Variants in ARAP2 observed in about 807,000 individuals in gnomAD.
ARAP2 encodes ArfGAP with RhoGAP domain, ankyrin repeat and PH domain 2.
ARAP2 carries 148 observed loss-of-function variants against 194.5 expected under a neutral mutation model. That is an observed-to-expected ratio of 0.76 (90% CI 0.67 to 0.87). The LOEUF (loss-of-function observed/expected upper bound fraction) is 0.87. Among genes scored for constraint, ARAP2 ranks in the 40% least tolerant of loss-of-function variants. ARAP2 has a pLI of 0.00. For missense variants in ARAP2, 2,128 were observed against 1,989.7 expected, an observed-to-expected ratio of 1.07 and a Z score of -1.32; for synonymous variants, 695 against 683.5, an observed-to-expected ratio of 1.02 and a Z score of -0.26.
At chr4:36,127,075 A>C (rs955271200) in intron 21 of ARAP2, among the ~76,000 whole-genome samples, 1 of 152,010 alleles carries the variant, frequency 6.6e-6, no homozygotes, top group African/African-American at 2.4e-5. Flanking sequence ...GCCTCAAGCT[A>C]TCCTCCTGCC....
chr4:36,097,066 A>T (rs1715515911), intron 27 of ARAP2, among the ~76,000 whole-genome samples: 1 of 152,124 alleles, frequency 6.6e-6, no homozygotes, highest in Admixed American at 6.6e-5. Flanking sequence ...CATTTTTACC[A>T]AGAAATAATC....
chr4:36,028,161 G>T (rs1417004180), intron 5 of ARAP2, among the ~76,000 whole-genome samples: 1 of 151,998 alleles, frequency 6.6e-6, no homozygotes, highest in Admixed American at 6.6e-5. Flanking sequence ...TGTTCTTAGT[G>T]TTATTATTTT....
chr4:36,131,927 G>C (rs1160933459), intron 20 of ARAP2, among the ~76,000 whole-genome samples: 1 of 151,676 alleles, frequency 6.6e-6, no homozygotes, highest in Non-Finnish European at 1.5e-5. Flanking sequence ...AACTTTTATA[G>C]TAATGCCCAA....
chr4:36,039,478 C>A (rs1396340757), intron 5 of ARAP2, among the ~76,000 whole-genome samples: 1 of 152,154 alleles, frequency 6.6e-6, no homozygotes, highest in Admixed American at 6.6e-5. Flanking sequence ...GTTAACCTAT[C>A]TGGGTCTGTG....
chr4:36,122,668 C>G (rs1327695767), intron 22 of ARAP2, among the ~76,000 whole-genome samples: 1 of 151,428 alleles, frequency 6.6e-6, no homozygotes, highest in Non-Finnish European at 1.5e-5. Flanking sequence ...GGCTTAATAC[C>G]CGGATGAGGA....
chr4:36,068,447 C>T (rs1444017961), intron 32 of ARAP2, among the ~76,000 whole-genome samples, 169 bp from the exon 33 acceptor site: 1 of 152,224 alleles, frequency 6.6e-6, no homozygotes, highest in Non-Finnish European at 1.5e-5. Context: ...ATATACTAAT[C>T]TTAGAGCTAC....
At chr4:36,125,537 A>G (rs1723680497) in intron 21 of ARAP2, among the ~76,000 whole-genome samples, 1 of 151,982 alleles carries the variant, frequency 6.6e-6, no homozygotes, top group African/African-American at 2.4e-5. Context: ...AGTGCAATGG[A>G]AGAAGTCAAG....
intron 2 of ARAP2, among the ~76,000 whole-genome samples, chr4:36,053,914 G>A (rs1050410979): frequency 3.3e-5 from 5 of 152,174 alleles, no homozygotes; most frequent in African/African-American, 4.8e-5. Flanking sequence ...AATACCAGCC[G>A]TGTAGTAGAT....
intron 22 of ARAP2, among the ~76,000 whole-genome samples, chr4:36,122,977 A>G (rs1321991264): frequency 1.3e-5 from 2 of 151,856 alleles, no homozygotes; most frequent in South Asian, 2.1e-4. Flanking sequence ...ACATGATAGC[A>G]ATACATATGT....
chr4:36,234,997 T>C (rs112228871), intron 1 of ARAP2, among the ~76,000 whole-genome samples: 119 of 152,278 alleles, frequency 7.8e-4, no homozygotes, highest in Middle Eastern at 3.4e-3. Flanking sequence ...GGAAGTAACA[T>C]TTAGGAGTAC....
chr4:36,077,523 G>T (rs962520939), intron 31 of ARAP2, among the ~76,000 whole-genome samples: 5 of 151,984 alleles, frequency 3.3e-5, no homozygotes, highest in African/African-American at 1.2e-4. Context: ...ATATACCACA[G>T]ACAACGTAGT....
At chr4:36,127,950 G>A (rs1324243472) in intron 21 of ARAP2, among the ~76,000 whole-genome samples, 1 of 151,984 alleles carries the variant, frequency 6.6e-6, no homozygotes, top group East Asian at 1.9e-4. Context: ...TTAAAAACAC[G>A]TTTTACTAAA....
chr4:36,176,434 A>G (rs1737935300), intron 9 of ARAP2, among the ~76,000 whole-genome samples: 1 of 152,162 alleles, frequency 6.6e-6, no homozygotes, highest in Admixed American at 6.6e-5. Flanking sequence ...ATTCCTAGAG[A>G]ATAACAGAAA....
intron 22 of ARAP2, among the ~76,000 whole-genome samples, chr4:36,123,441 C>G (rs753534325): frequency 6.6e-6 from 1 of 151,662 alleles, no homozygotes; most frequent in Non-Finnish European, 1.5e-5. Context: ...CAGTATCATC[C>G]CCTTTGGTAC....
At chr4:36,111,993 T>C (rs1317648970) in intron 26 of ARAP2, among the ~76,000 whole-genome samples, 1 of 151,942 alleles carries the variant, frequency 6.6e-6, no homozygotes, top group African/African-American at 2.4e-5. Flanking sequence ...AATAGAAGCG[T>C]GTAGGAGACA....
At chr4:36,076,415 T>G (rs1728262785) in intron 31 of ARAP2, among the ~76,000 whole-genome samples, 1 of 152,180 alleles carries the variant, frequency 6.6e-6, no homozygotes, top group South Asian at 2.1e-4. Flanking sequence ...CCCCCAAACC[T>G]ACCTTCACCT....
chr4:36,183,393 T>C (rs1739743104), intron 8 of ARAP2, among the ~76,000 whole-genome samples: 1 of 152,138 alleles, frequency 6.6e-6, no homozygotes, highest in Admixed American at 6.5e-5. Context: ...CACACGTGCA[T>C]GTTTCCCACG....
intron 2 of ARAP2, among the ~76,000 whole-genome samples, chr4:36,219,309 G>T (rs1748666243): frequency 6.6e-6 from 1 of 152,126 alleles, no homozygotes; most frequent in African/African-American, 2.4e-5. Flanking sequence ...ACAAATTGGA[G>T]ATTCACACAA....
rs111820378 is a variant in ARAP2, at chr4:36,204,372, GA to G, written c.1487+6017del. Among the ~76,000 whole-genome samples, 1,015 of 152,060 alleles carry G rather than the reference GA, an allele frequency of 6.7e-3. 15 individuals carry two copies. Among genetic ancestry groups the G allele is most frequent in the African/African-American group, 0.023 (942 of 41,500 alleles). On this transcript the variant is annotated intron_variant, in intron 6 of 32. Coordinates refer to ENST00000303965, the MANE Select transcript of ARAP2 (RefSeq NM_015230.4). ...ACCAACAATAACAATGTTTAGGGGG[GA>G]AAAAAAGACATCTTCAAACATGGAA... is the stretch of plus-strand genomic sequence containing the variant.
Sources: allele counts gnomAD v4.1 joint callset (sites outside exome capture counted in the v4.1 genomes callset), GRCh38; gene constraint gnomAD v4.1.1; transcripts MANE v1.5; gene names NCBI Gene and HGNC (gene_info 2026-07-23, HGNC 2026-07-21).